The following USH2A variants were observed in gnomAD, a reference collection of about 807,000 sequenced individuals.
USH2A encodes usherin, also known as Usher syndrome 2A (autosomal recessive, mild).
Under a neutral mutation model 538.9 loss-of-function variants are expected in USH2A, and 443 were observed. That is an observed-to-expected ratio of 0.82 (90% CI 0.76 to 0.89). USH2A has a LOEUF of 0.89. Ranked by LOEUF, USH2A falls within the 40% of genes least tolerant of loss-of-function variation. The pLI, the probability that USH2A is intolerant of heterozygous loss-of-function variation, is 0.00. For missense variants in USH2A, 6,633 were observed against 6,324.8 expected, an observed-to-expected ratio of 1.05 and a Z score of -1.65; for synonymous variants, 2,413 against 2,273.5, an observed-to-expected ratio of 1.06 and a Z score of -1.75.
At chr1:216,187,679 C>A (rs1275365505) in intron 20 of USH2A, among the ~76,000 whole-genome samples, 1 of 151,874 alleles carries the variant, frequency 6.6e-6, no homozygotes, top group Non-Finnish European at 1.5e-5. Flanking sequence ...AACATTTATA[C>A]TGTGACTAAC....
chr1:215,974,694 G>C (rs1455379596), intron 35 of USH2A, among the ~76,000 whole-genome samples: 1 of 152,110 alleles, frequency 6.6e-6, no homozygotes. Flanking sequence ...TGGTTGTATA[G>C]TATTTCGTAG....
chr1:215,832,810 G>C (rs1040771363), intron 47 of USH2A, among the ~76,000 whole-genome samples: 4 of 151,826 alleles, frequency 2.6e-5, no homozygotes, highest in African/African-American at 7.2e-5. Flanking sequence ...CTTTGTAGAA[G>C]ATCTATATAG....
chr1:216,245,775 A>G (rs1448597480), intron 13 of USH2A, among the ~76,000 whole-genome samples: 2 of 152,178 alleles, frequency 1.3e-5, no homozygotes, highest in Non-Finnish European at 2.9e-5. Context: ...ATTCTTTGCT[A>G]TGTTAACAGA....
At chr1:216,176,998 A>G (rs2034399394) in intron 20 of USH2A, among the ~76,000 whole-genome samples, 1 of 152,216 alleles carries the variant, frequency 6.6e-6, no homozygotes. Flanking sequence ...TTGTGAATAA[A>G]GCTGCTATGA....
At chr1:216,096,460 A>C (rs1160550316) in intron 22 of USH2A, among the ~76,000 whole-genome samples, 1 of 152,226 alleles carries the variant, frequency 6.6e-6, no homozygotes, top group Non-Finnish European at 1.5e-5. Flanking sequence ...TTCTTCATTG[A>C]TTTGTATCTC....
At chr1:215,670,303 G>A (rs1029240757) in intron 64 of USH2A, among the ~76,000 whole-genome samples, 1 of 152,102 alleles carries the variant, frequency 6.6e-6, no homozygotes, top group African/African-American at 2.4e-5. Flanking sequence ...CCACGCCTGA[G>A]CAAAGGGTGG....
At position 215,974,052 on chromosome 1, in the gene USH2A, C is replaced by A. The variant is rs147341537; in HGVS notation, c.6806-3276G>T. ...AGGGCTGAAGGATGAATTGTGGAAC[C>A]ACACTGTAGGACTAGTATTATATTG... On this transcript the variant is annotated intron_variant, in intron 35 of 71. Coordinates refer to ENST00000307340, the MANE Select transcript of USH2A (RefSeq NM_206933.4). Among the ~76,000 whole-genome samples the A allele has an allele frequency of 1.4e-3, 219 of 151,602 alleles. 1 individual carries two copies. The highest frequency in any genetic ancestry group is 2.0e-3 in the Non-Finnish European group (136 of 67,870).
At position 215,652,524 on chromosome 1, in the gene USH2A, G is replaced by A. The variant is rs72739270; in HGVS notation, c.14134-1723C>T. Among the ~76,000 whole-genome samples, 944 of 152,290 alleles carry A rather than the reference G, an allele frequency of 6.2e-3. 1 individual carries two copies. Among genetic ancestry groups the A allele is most frequent in the Non-Finnish European group, 1.0e-2 (678 of 68,020 alleles). On this transcript the variant is annotated intron_variant, in intron 64 of 71. Coordinates refer to ENST00000307340, the MANE Select transcript of USH2A (RefSeq NM_206933.4). ...AATGGGAGAGCCAGATTTCATGGAAGTTAGAGTCCATCCATCAGAATACAA... is the reference window on the plus strand; with the variant it reads ...AATGGGAGAGCCAGATTTCATGGAAATTAGAGTCCATCCATCAGAATACAA...
intron 21 of USH2A, among the ~76,000 whole-genome samples, chr1:216,149,059 G>A (rs551629): frequency 0.89 from 134,635 of 152,006 alleles, 59,799 homozygotes; most frequent in East Asian, 0.98. Context: ...ACCTTCTACA[G>A]AACAACTCCT....
At chr1:216,217,652 G>A (rs1015467510) in intron 14 of USH2A, 102 bp from the exon 15 acceptor site, 5 of 1,366,298 alleles carry the variant, frequency 3.7e-6, no homozygotes, top group African/African-American at 1.4e-5. Context: ...AAGACGGCTT[G>A]TTTTAGCCAA....
In USH2A at chr1:216,324,362, G is replaced by GA. The variant is rs2102654432; in HGVS notation, c.1144-11dup. 1 of 1,603,296 alleles carries GA rather than the reference G, an allele frequency of 6.2e-7. No individual in the cohort carries two copies. The highest frequency in any genetic ancestry group is 1.7e-5 in the Admixed American group (1 of 59,272). On this transcript the variant is annotated splice_polypyrimidine_tract_variant and intron_variant, in intron 6 of 71. Coordinates refer to ENST00000307340, the MANE Select transcript of USH2A (RefSeq NM_206933.4). ...TGATAATATAAAACACCTGAAAATG[G>GA]AAAGTTAATTAATGTAATTAAAGTT...
intron 71 of USH2A, among the ~76,000 whole-genome samples, chr1:215,626,166 G>A (rs1558026616): frequency 6.6e-6 from 1 of 151,206 alleles, no homozygotes; most frequent in Admixed American, 6.6e-5. Context: ...CTGTAGAGTG[G>A]GATGTGTGTG....
At chr1:215,823,769 C>G (rs1014761074) in intron 47 of USH2A, among the ~76,000 whole-genome samples, 5 of 151,728 alleles carry the variant, frequency 3.3e-5, no homozygotes, top group African/African-American at 7.3e-5. Context: ...TTTCAAATAG[C>G]CTGTCTCAAG....
chr1:216,234,215 TG>T, intron 13 of USH2A, among the ~76,000 whole-genome samples: 1 of 152,254 alleles, frequency 6.6e-6, no homozygotes, highest in East Asian at 1.9e-4. Flanking sequence ...TACCAACAAT[TG>T]GGTTTTTTTC....
At position 215,764,849 on chromosome 1, in the gene USH2A, T is replaced by C. The variant is rs371037550; in HGVS notation, c.11047+1832A>G. Reference sequence around the variant, plus strand: ...ACACTATATTTATTTCATATATGGGTTATATATAAATGGCACTTATTCAGC... The same window carrying C: ...ACACTATATTTATTTCATATATGGGCTATATATAAATGGCACTTATTCAGC... On this transcript the variant is annotated intron_variant, in intron 56 of 71. Transcript: ENST00000307340. 3.3e-5 allele frequency among the ~76,000 whole-genome samples: 5 copies of C among 152,222 alleles called. No individual in the cohort carries two copies. The South Asian group carries it at 1.0e-3, about 32-fold the overall frequency.
intron 49 of USH2A, among the ~76,000 whole-genome samples, chr1:215,810,750 A>T (rs906379407): frequency 6.6e-6 from 1 of 152,160 alleles, no homozygotes; most frequent in African/African-American, 2.4e-5. Context: ...ATTTAACAGT[A>T]TTTGATCCAT....
chr1:216,318,803 A>G (rs1225282025), intron 9 of USH2A, among the ~76,000 whole-genome samples: 1 of 152,192 alleles, frequency 6.6e-6, no homozygotes, highest in Non-Finnish European at 1.5e-5. Context: ...TTCATAATCC[A>G]ACATTCACCA....
chr1:215,674,280 C>A lies in USH2A; in HGVS notation c.13631G>T (p.Gly4544Val), dbSNP rs765424394. 3.7e-6 allele frequency: 6 copies of A among 1,614,138 alleles called. No individual in the cohort carries two copies. Among genetic ancestry groups the A allele is most frequent in the African/African-American group, 1.3e-5 (1 of 75,034 alleles). Residue 4544 changes from glycine to valine, a missense_variant, in exon 63 of 72, where the codon GGT becomes GTT. Physicochemically the swap from Gly to Val is moderately radical, Grantham distance 109. Transcript: ENST00000307340. ...CCAGTTCACTAAGATCTCCTGAGGA[C>A]CCCTGGCCTGCAATTTTGGAGGTTC... is the stretch of plus-strand genomic sequence containing the variant. Reference protein sequence around the residue: ...GMEPPKLQARGPQEILVNWDP... With the variant: ...GMEPPKLQARVPQEILVNWDP...
chr1:215,726,109 G>A (rs1020160734), intron 61 of USH2A, among the ~76,000 whole-genome samples: 3 of 152,052 alleles, frequency 2.0e-5, no homozygotes, highest in Non-Finnish European at 2.9e-5. Flanking sequence ...TTAAATTAAG[G>A]TGCCTCATTC....
Sources: gnomAD v4.1 joint callset for allele counts (sites outside exome capture counted in the v4.1 genomes callset) on GRCh38, gnomAD v4.1.1 for gene constraint, MANE v1.5 for transcripts, NCBI Gene and HGNC (gene_info 2026-07-23, HGNC 2026-07-21) for gene names.